The following OVCH1 variants were observed in gnomAD, a reference collection of about 807,000 sequenced individuals.
The protein encoded by OVCH1 is ovochymase-1.
OVCH1 carries 139 observed loss-of-function variants against 138.4 expected under a neutral mutation model. The observed-to-expected ratio is 1.00, with a 90% CI of 0.87 to 1.16. OVCH1 has a LOEUF of 1.16. Among genes scored for constraint, OVCH1 ranks in the 50% most tolerant of loss-of-function variants. OVCH1 has a pLI of 0.00. For synonymous variants in OVCH1, 453 were observed against 467.8 expected, an observed-to-expected ratio of 0.97 and a Z score of 0.41; for missense variants, 1,367 against 1,357.9, an observed-to-expected ratio of 1.01 and a Z score of -0.11.
chr12:29,443,620 C>T lies in OVCH1; in HGVS notation c.3018-120G>A, dbSNP rs1008900657. 5 of 1,009,802 alleles carry T rather than the reference C, an allele frequency of 5.0e-6. No individual in the cohort carries two copies. In the African/African-American group the frequency reaches 5.0e-5, roughly 10 times the overall value. 62.6% of individuals were successfully genotyped at this position (1,009,802 alleles called of 1,614,324 possible). A position where few individuals can be genotyped will look rare whatever the true frequency, so the allele number is the denominator to read the frequency against. ...CCCCAGTGAGCCTTATTTTTTGTGT[C>T]TGTTTCCTTATGGTTGTGAGAGAGA... On this transcript the variant is annotated intron_variant, in intron 24 of 27. Transcript: ENST00000318184.
chr12:29,403,936 T>C, the OVCH1 span, among the ~76,000 whole-genome samples: 2 of 152,336 alleles, frequency 1.3e-5, no homozygotes, highest in East Asian at 1.9e-4. Flanking sequence ...ATGCAAGATA[T>C]GAATTGAATG....
intron 22 of OVCH1, among the ~76,000 whole-genome samples, chr12:29,447,890 C>T (rs1941663763): frequency 6.6e-6 from 1 of 151,878 alleles, no homozygotes. Context: ...ATGTGTTGGG[C>T]ACTGTTCTAG....
At position 29,451,582 on chromosome 12, in the gene OVCH1, A is replaced by G; in HGVS notation, c.2531-13T>C. 1.3e-6 allele frequency: 2 copies of G among 1,591,720 alleles called. No homozygotes were observed. Among genetic ancestry groups the G allele is most frequent in the South Asian group, 2.2e-5 (2 of 88,894 alleles). On this transcript the variant is annotated splice_polypyrimidine_tract_variant and intron_variant, in intron 21 of 27. Coordinates refer to ENST00000318184, the Ensembl canonical transcript of OVCH1. ...TCAGAGCAACAACCTGCAATTCAGA[A>G]CACACAGACACCAGGGACCAACATA...
chr12:29,425,235 T>C (rs943317675), downstream of OVCH1, among the ~76,000 whole-genome samples: 4 of 152,196 alleles, frequency 2.6e-5, no homozygotes, highest in African/African-American at 7.2e-5. Context: ...CTGTCTTTGG[T>C]TCCACCGAGT....
intron 8 of OVCH1, among the ~76,000 whole-genome samples, chr12:29,482,114 A>G (rs12816500): frequency 0.039 from 5,877 of 152,216 alleles, 139 homozygotes; most frequent in Middle Eastern, 0.099. Flanking sequence ...AAATCCTCCA[A>G]TGGCTCTCTA....
At chr12:29,487,957 A>G in intron 6 of OVCH1, 75 bp from the exon 7 acceptor site, 3 of 1,372,862 alleles carry the variant, frequency 2.2e-6, no homozygotes, top group Admixed American at 2.6e-5. Flanking sequence ...TGTAAACATC[A>G]GCACTCATCA....
At chr12:29,481,627 CT>C (rs1271028216) in intron 8 of OVCH1, among the ~76,000 whole-genome samples, 1 of 152,150 alleles carries the variant, frequency 6.6e-6, no homozygotes, top group Non-Finnish European at 1.5e-5. Context: ...GCCAAACCTT[CT>C]TTATTTGTTG....
chr12:29,402,594 A>C, the OVCH1 span, among the ~76,000 whole-genome samples: 51 of 151,776 alleles, frequency 3.4e-4, no homozygotes, highest in Non-Finnish European at 6.6e-4. Context: ...AGAAGGATTG[A>C]GAGAGGGAAG....
intron 18 of OVCH1, among the ~76,000 whole-genome samples, chr12:29,463,745 A>G (rs1363953096): frequency 1.3e-5 from 2 of 152,204 alleles, no homozygotes; most frequent in Non-Finnish European, 1.5e-5. Flanking sequence ...GATTTTTACG[A>G]AAGTGCAATT....
intron 27 of OVCH1, among the ~76,000 whole-genome samples, chr12:29,428,132 A>G (rs1941209450): frequency 6.6e-6 from 1 of 152,154 alleles, no homozygotes; most frequent in Non-Finnish European, 1.5e-5. Flanking sequence ...TGATAAGGTA[A>G]GACAAAAAAC....
chr12:29,439,860 T>A (rs894486873), intron 25 of OVCH1, among the ~76,000 whole-genome samples: 14 of 152,312 alleles, frequency 9.2e-5, no homozygotes, highest in Non-Finnish European at 1.6e-4. Context: ...TACTTGTGTT[T>A]ACCTATTTAT....
intron 27 of OVCH1, among the ~76,000 whole-genome samples, chr12:29,431,567 C>T (rs1941268591): frequency 6.8e-6 from 1 of 146,022 alleles, no homozygotes; most frequent in Admixed American, 6.7e-5. Context: ...CAACATTTTC[C>T]CCCTATTTAA....
At chr12:29,472,291 AG>A (rs1300330331) in intron 15 of OVCH1, among the ~76,000 whole-genome samples, 6 of 152,220 alleles carry the variant, frequency 3.9e-5, no homozygotes, top group Admixed American at 2.0e-4. Context: ...GGAATAGAAT[AG>A]ATGATAAAAA....
chr12:29,492,528 A>C (rs1321553793), intron 4 of OVCH1, among the ~76,000 whole-genome samples: 6 of 152,234 alleles, frequency 3.9e-5, no homozygotes, highest in East Asian at 1.9e-4. Context: ...AAGACAGAAG[A>C]AGCAGCTTGA....
intron 9 of OVCH1, among the ~76,000 whole-genome samples, chr12:29,477,890 TACC>T (rs1942797071): frequency 6.6e-6 from 1 of 152,254 alleles, no homozygotes; most frequent in East Asian, 1.9e-4. Context: ...AAACGTCCAG[TACC>T]TGCTATGATA....
At chr12:29,496,333 T>A in intron 2 of OVCH1, 55 bp from the exon 3 acceptor site, 2 of 1,409,456 alleles carry the variant, frequency 1.4e-6, no homozygotes, top group Admixed American at 3.9e-5. Flanking sequence ...CATATGTATC[T>A]CCATCGGAAA....
intron 8 of OVCH1, among the ~76,000 whole-genome samples, chr12:29,482,870 T>C (rs1384896148): frequency 6.6e-6 from 1 of 152,240 alleles, no homozygotes; most frequent in Non-Finnish European, 1.5e-5. Context: ...TTACCCAATA[T>C]ACAAATACTT....
chr12:29,409,602 C>T (rs907681411), downstream of OVCH1, among the ~76,000 whole-genome samples: 1 of 151,978 alleles, frequency 6.6e-6, no homozygotes, highest in Non-Finnish European at 1.5e-5. Flanking sequence ...TTCAGTTTCT[C>T]TGTAGTTGAG....
intron 3 of OVCH1, among the ~76,000 whole-genome samples, chr12:29,417,849 A>G (rs1343052255): frequency 6.6e-6 from 1 of 152,064 alleles, no homozygotes; most frequent in Non-Finnish European, 1.5e-5. Flanking sequence ...AGCCAAGATT[A>G]AGAAGCACTG....
Sources: allele counts gnomAD v4.1 joint callset (sites outside exome capture counted in the v4.1 genomes callset), GRCh38; gene constraint gnomAD v4.1.1; transcripts MANE v1.5; gene names NCBI Gene and HGNC (gene_info 2026-07-23, HGNC 2026-07-21).